Variants in EDA observed in about 807,000 individuals in gnomAD.
The protein encoded by EDA is ectodysplasin A.
A neutral mutation model predicts 23.6 loss-of-function variants in EDA; 2 were observed. That is an observed-to-expected ratio of 0.08 (90% CI 0.03 to 0.27). The LOEUF (loss-of-function observed/expected upper bound fraction) is 0.27, where lower values mean the gene tolerates loss of function less well. Ranked by LOEUF, EDA falls within the 10% of genes least tolerant of loss-of-function variation. The pLI, the probability that EDA is intolerant of heterozygous loss-of-function variation, is 1.00. For missense variants in EDA, 229 were observed against 324.2 expected (o/e 0.71, Z 2.26); for synonymous variants, 131 against 132.0 (o/e 0.99, Z 0.05).
intron 1 of EDA, among the ~76,000 whole-genome samples, chrX:69,844,993 G>A (rs926242456): frequency 8.9e-6 from 1 of 112,086 alleles, no homozygotes; most frequent in Non-Finnish European, 1.9e-5. Flanking sequence ...TGAGGGAAAG[G>A]AAAATAAGTA....
At chrX:69,744,971 A>G (rs1003581094) in intron 1 of EDA, among the ~76,000 whole-genome samples, 1 of 111,449 alleles carries the variant, frequency 9.0e-6, no homozygotes, top group African/African-American at 3.3e-5. Context: ...AGGTAGCATC[A>G]TATCTGCTAC....
At chrX:69,645,614 ATG>A (rs573506909) in intron 1 of EDA, among the ~76,000 whole-genome samples, 4,580 of 33,167 alleles carry the variant, frequency 0.14, 1,188 homozygotes, top group East Asian at 0.62. Flanking sequence ...ATATATATAT[ATG>A]TGTGTGTATA....
intron 2 of EDA, among the ~76,000 whole-genome samples, chrX:69,960,918 C>T (rs750524634): frequency 6.5e-5 from 7 of 108,488 alleles, no homozygotes; most frequent in Non-Finnish European, 9.5e-5. Context: ...ACTCAGGAGG[C>T]TGAGGTAGGA....
At chrX:69,678,591 A>C (rs1446899214) in intron 1 of EDA, among the ~76,000 whole-genome samples, 1 of 109,545 alleles carries the variant, frequency 9.1e-6, no homozygotes, top group Non-Finnish European at 1.9e-5. Flanking sequence ...GCAATTGTGA[A>C]TGGGAGTTCA....
intron 1 of EDA, among the ~76,000 whole-genome samples, chrX:69,919,388 G>T (rs1426231725): frequency 1.8e-5 from 2 of 112,219 alleles, no homozygotes; most frequent in African/African-American, 6.5e-5. Flanking sequence ...CCGCCAACTT[G>T]TTTCTCAAGG....
rs934129518 is a variant in EDA at position 69,801,904 on chromosome X, G to C, written c.397-155123G>C. On this transcript the variant is annotated intron_variant, in intron 1 of 7. Coordinates refer to ENST00000374552, the MANE Select transcript of EDA (RefSeq NM_001399.5). ...GACATTTTCTACACTGCTGGTGGTA[G>C]TGTAAATAGTTACAACCACTTTGGA... 4.5e-5 allele frequency among the ~76,000 whole-genome samples: 5 copies of C among 111,634 alleles called. No homozygotes were observed. In the Admixed American group the frequency reaches 4.8e-4, roughly 11 times the overall value.
intron 2 of EDA, among the ~76,000 whole-genome samples, chrX:69,976,072 T>C (rs2147444902): frequency 9.0e-6 from 1 of 111,529 alleles, no homozygotes; most frequent in Admixed American, 9.6e-5. Context: ...ATTTATTTTT[T>C]TTCAGGGCTT....
intron 1 of EDA, among the ~76,000 whole-genome samples, chrX:69,759,770 A>C (rs1382269667): frequency 1.8e-5 from 2 of 110,565 alleles, no homozygotes; most frequent in Non-Finnish European, 3.8e-5. Flanking sequence ...GGAGTGGCCC[A>C]GGTGTGCAAA....
At chrX:69,653,806 G>T (rs1319612283) in intron 1 of EDA, among the ~76,000 whole-genome samples, 3 of 111,388 alleles carry the variant, frequency 2.7e-5, no homozygotes, top group Non-Finnish European at 3.8e-5. Flanking sequence ...AATTCAAGAT[G>T]GATTAAAGAC....
chrX:69,729,609 T>G (rs933954508), intron 1 of EDA, among the ~76,000 whole-genome samples: 1 of 111,961 alleles, frequency 8.9e-6, no homozygotes, highest in Non-Finnish European at 1.9e-5. Context: ...TTTTAAAACA[T>G]AAGTCAAATC....
chrX:70,030,365 G>A, intron 5 of EDA, 104 bp from the exon 6 acceptor site: 3 of 704,950 alleles, frequency 4.3e-6, no homozygotes, highest in Non-Finnish European at 6.7e-6. Context: ...ATCAGAATTG[G>A]ATTACAATAG....
At chrX:69,883,040 T>A (rs1293098356) in intron 1 of EDA, among the ~76,000 whole-genome samples, 1 of 112,200 alleles carries the variant, frequency 8.9e-6, no homozygotes, top group Non-Finnish European at 1.9e-5. Flanking sequence ...AAATATAAAA[T>A]GTGATGCTGT....
chrX:70,000,197 A>G (rs2019721458), intron 2 of EDA, among the ~76,000 whole-genome samples: 1 of 112,358 alleles, frequency 8.9e-6, no homozygotes, highest in Non-Finnish European at 1.9e-5. Flanking sequence ...GTAACTGCTG[A>G]TGTTCAACAT....
intron 1 of EDA, chrX:69,937,589 T>A (rs1666088678): frequency 8.8e-7 from 1 of 1,137,632 alleles, no homozygotes; most frequent in African/African-American, 1.8e-5. Context: ...GGACCACTCC[T>A]GAAGTCATAA....
intron 1 of EDA, among the ~76,000 whole-genome samples, chrX:69,938,375 T>A (rs1380396039): frequency 1.8e-5 from 2 of 112,650 alleles, no homozygotes; most frequent in Non-Finnish European, 3.8e-5. Flanking sequence ...TGAGTACCTT[T>A]TAATATGCTT....
chrX:69,853,761 G>C (rs1225918262), intron 1 of EDA, among the ~76,000 whole-genome samples: 1 of 112,453 alleles, frequency 8.9e-6, no homozygotes, highest in Admixed American at 9.4e-5. Flanking sequence ...ACAGTAGTCA[G>C]CAAATGTTTT....
intron 1 of EDA, among the ~76,000 whole-genome samples, chrX:69,758,108 A>C (rs1352905877): frequency 1.8e-5 from 2 of 112,467 alleles, no homozygotes; most frequent in Non-Finnish European, 3.8e-5. Flanking sequence ...TTTCATGTTT[A>C]TATTCCTCCA....
chrX:69,681,131 A>T (rs1416848377), intron 1 of EDA, among the ~76,000 whole-genome samples: 1 of 111,199 alleles, frequency 9.0e-6, no homozygotes, highest in Non-Finnish European at 1.9e-5. Flanking sequence ...CTTTTCTTTA[A>T]GAATGTTGAA....
chrX:70,036,811 C>T lies in EDA; in HGVS notation c.*1202C>T, dbSNP rs1174944631. On this transcript the variant is annotated 3_prime_UTR_variant, in exon 8 of 8. Coordinates refer to ENST00000374552, the MANE Select transcript of EDA (RefSeq NM_001399.5). ...TCAAGTTTGCTGCAACCCAAGTGGACGTTAGGCCAGGCCTTATCTGAAAGG... is the reference window on the plus strand; with the variant it reads ...TCAAGTTTGCTGCAACCCAAGTGGATGTTAGGCCAGGCCTTATCTGAAAGG... 8.9e-6 allele frequency: 1 copy of T among 112,728 alleles called. No individual in the cohort carries two copies. The highest frequency in any genetic ancestry group is 1.9e-5 in the Non-Finnish European group (1 of 53,328). 9.3% of individuals were successfully genotyped at this position (112,728 alleles called of 1,213,427 possible).
Sources: allele counts gnomAD v4.1 joint callset (sites outside exome capture counted in the v4.1 genomes callset), GRCh38; gene constraint gnomAD v4.1.1; transcripts MANE v1.5; gene names NCBI Gene and HGNC (gene_info 2026-07-23, HGNC 2026-07-21).